The following MYCBP2 variants were observed in gnomAD, a reference collection of about 807,000 sequenced individuals.
MYCBP2 encodes the protein E3 ubiquitin-protein ligase MYCBP2.
A neutral mutation model predicts 525.3 loss-of-function variants in MYCBP2; 120 were observed. The observed-to-expected ratio is 0.23, with a 90% CI of 0.20 to 0.27. MYCBP2 has a LOEUF of 0.27. MYCBP2 is among the 10% of genes least tolerant of loss of function. The pLI, the probability that MYCBP2 is intolerant of heterozygous loss-of-function variation, is 1.00. For missense variants in MYCBP2, 4,149 were observed against 5,657.1 expected, an observed-to-expected ratio of 0.73 and a Z score of 8.55; for synonymous variants, 1,894 against 1,955.8, an observed-to-expected ratio of 0.97 and a Z score of 0.83.
At chr13:77,297,644 G>C (rs927297502) in intron 1 of MYCBP2, among the ~76,000 whole-genome samples, 1 of 151,982 alleles carries the variant, frequency 6.6e-6, no homozygotes, top group African/African-American at 2.4e-5. Context: ...TTAGAAGGAA[G>C]AGTTAGCCTG....
chr13:77,166,447 A>C lies in MYCBP2; in HGVS notation c.6222T>G (p.Val2074=). ...VLRLLIPVRT[V]QNSGYGPKLT... ...ATTTTGGTCCATATCCTGAATTCTGAACAGTTCTGACAGGAATCAACAAAC... is the reference window on the plus strand; with the variant it reads ...ATTTTGGTCCATATCCTGAATTCTGCACAGTTCTGACAGGAATCAACAAAC... Residue 2074 remains valine (V), a synonymous_variant, in exon 41 of 83, where the codon GTT becomes GTG. Transcript: ENST00000544440. The C allele has an allele frequency of 6.2e-7, 1 of 1,614,044 alleles. No homozygotes were observed. The highest frequency in any genetic ancestry group is 2.2e-5 in the East Asian group (1 of 44,882).
rs112282669 is a variant in MYCBP2, at chr13:77,310,499, G to C, written c.303-13825C>G. Among the ~76,000 whole-genome samples the C allele has an allele frequency of 6.6e-3, 1,007 of 152,114 alleles. 13 individuals are homozygous for C. Among genetic ancestry groups the C allele is most frequent in the African/African-American group, 0.023 (959 of 41,486 alleles). ...TTCAAACTAAAGAACAGAGCTGCAT[G>C]GTTGCAACAGAGACTCTATGGCCCA... is the stretch of plus-strand genomic sequence containing the variant. On this transcript the variant is annotated intron_variant, in intron 1 of 82. Coordinates refer to ENST00000544440, the MANE Select transcript of MYCBP2 (RefSeq NM_015057.5).
intron 40 of MYCBP2, among the ~76,000 whole-genome samples, chr13:77,167,914 C>G (rs1393382091): frequency 6.6e-6 from 1 of 152,152 alleles, no homozygotes; most frequent in Non-Finnish European, 1.5e-5. Context: ...GTTTATCCTT[C>G]TCTTCCTTAA....
chr13:77,285,573 G>A (rs2076637537), intron 3 of MYCBP2, among the ~76,000 whole-genome samples: 1 of 152,170 alleles, frequency 6.6e-6, no homozygotes, highest in Admixed American at 6.5e-5. Flanking sequence ...GATCACCTGA[G>A]GTCCAGAGTT....
chr13:77,103,012 C>T (rs768310071), intron 55 of MYCBP2, among the ~76,000 whole-genome samples: 15 of 151,678 alleles, frequency 9.9e-5, no homozygotes, highest in South Asian at 2.1e-4. Flanking sequence ...ACATGCATAG[C>T]TACTGGGATA....
At chr13:77,315,091 CATGA>C (rs2080772887) in intron 1 of MYCBP2, among the ~76,000 whole-genome samples, 2 of 152,112 alleles carry the variant, frequency 1.3e-5, no homozygotes, top group Non-Finnish European at 2.9e-5. Context: ...CCAAAATTGA[CATGA>C]ATAATAACAG....
chr13:77,158,800 G>A (rs531874074), intron 44 of MYCBP2, among the ~76,000 whole-genome samples: 2 of 152,106 alleles, frequency 1.3e-5, no homozygotes, highest in Non-Finnish European at 2.9e-5. Context: ...AGGTGTGTCT[G>A]TTCTCTTGGG....
At chr13:77,296,725 C>T (rs1053157897) in intron 1 of MYCBP2, 51 bp from the exon 2 acceptor site, 1 of 1,199,246 alleles carries the variant, frequency 8.3e-7, no homozygotes, top group Non-Finnish European at 1.1e-6. Context: ...CATATTAGGA[C>T]ATACAAAGCT....
rs576697672 is a variant in MYCBP2, at chr13:77,098,135, G to A, written c.9019C>T (p.Leu3007Phe). The change falls in exon 56 of 83, where the codon CTT (leucine) becomes TTT (phenylalanine). Residue 3007 changes from leucine to phenylalanine, a missense_variant. Physicochemically the swap from Leu to Phe is conservative, Grantham distance 22 (BLOSUM62 0). Coordinates refer to ENST00000544440, the MANE Select transcript of MYCBP2 (RefSeq NM_015057.5). ...TRPKKEKSSF[L>F]FKGDGSKPLE... Reference sequence around the variant, plus strand: ...GGCTTGGATCCATCTCCTTTGAAAAGAAAACTCGATTTTTCTTTTTTGGGC... The same window carrying A: ...GGCTTGGATCCATCTCCTTTGAAAAAAAAACTCGATTTTTCTTTTTTGGGC... The A allele has an allele frequency of 5.0e-6, 8 of 1,613,642 alleles. No individual in the cohort carries two copies. In the African/African-American group the frequency reaches 8.0e-5, roughly 16 times the overall value.
At chr13:77,250,744 T>C (rs950658288) in intron 15 of MYCBP2, among the ~76,000 whole-genome samples, 3 of 152,180 alleles carry the variant, frequency 2.0e-5, no homozygotes, top group South Asian at 2.1e-4. Flanking sequence ...AAAACAAAAC[T>C]ATATATCTAA....
chr13:77,178,408 T>C (rs1297081745), intron 34 of MYCBP2, among the ~76,000 whole-genome samples: 3 of 152,240 alleles, frequency 2.0e-5, no homozygotes, highest in African/African-American at 7.2e-5. Flanking sequence ...GACTATGTCC[T>C]CTCTCCTCTT....
At chr13:77,197,037 G>C (rs185549811) in intron 26 of MYCBP2, among the ~76,000 whole-genome samples, 230 of 152,288 alleles carry the variant, frequency 1.5e-3, no homozygotes, top group African/African-American at 5.2e-3. Flanking sequence ...GTAGTGTCGT[G>C]GGGGACAAGA....
intron 55 of MYCBP2, among the ~76,000 whole-genome samples, chr13:77,114,529 A>C (rs906780262): frequency 3.3e-5 from 5 of 152,114 alleles, no homozygotes; most frequent in African/African-American, 1.2e-4. Context: ...TCATATTCTC[A>C]AATGTAAATA....
intron 14 of MYCBP2, among the ~76,000 whole-genome samples, chr13:77,256,618 A>G (rs913738568): frequency 2.0e-5 from 3 of 152,136 alleles, no homozygotes; most frequent in African/African-American, 7.2e-5. Context: ...GCAAACAGGT[A>G]TATGAAAAGG....
In MYCBP2 at chr13:77,326,526, C is replaced by A. The variant is rs943342587; in HGVS notation, c.250G>T (p.Ala84Ser). The change falls in exon 1 of 83, where the codon GCG becomes TCG. Residue 84 changes from alanine (A) to serine (S), a missense_variant. Ala to Ser is a moderately conservative substitution (Grantham distance 99). Around this residue, in one of 21 missense-constraint regions of MYCBP2, gnomAD observed 413 missense variants for 451.2 expected, o/e 0.92. Transcript: ENST00000544440. This position sits in a 1 kb window ranked among gnomAD's most constrained non-coding sequence, Gnocchi z 4.2. ...ADRYRRIYTA[A>S]LNDRDQGGGS... ...CCCCCCTGGTCCCTGTCATTGAGCG[C>A]AGCGGTATAAATCCTCCGGTAGCGG... The A allele has an allele frequency of 1.3e-6, 2 of 1,599,848 alleles. No individual in the cohort carries two copies. Among genetic ancestry groups the A allele is most frequent in the East Asian group, 2.4e-5 (1 of 42,452 alleles).
chr13:77,176,835 G>A (rs1185677964), intron 35 of MYCBP2, among the ~76,000 whole-genome samples: 13 of 152,054 alleles, frequency 8.5e-5, no homozygotes, highest in Non-Finnish European at 1.9e-4. Context: ...ACATAAATAA[G>A]CTTTTCTCAT....
chr13:77,242,939 G>C, intron 17 of MYCBP2, 120 bp downstream of exon 17: 1 of 779,934 alleles, frequency 1.3e-6, no homozygotes, highest in South Asian at 1.7e-5. Flanking sequence ...TCAGAATATT[G>C]CTAATTTTAA....
intron 40 of MYCBP2, among the ~76,000 whole-genome samples, chr13:77,166,966 A>AATACACACAC (rs1457724056): frequency 8.1e-6 from 1 of 123,880 alleles, no homozygotes; most frequent in African/African-American, 3.2e-5. Flanking sequence ...TCAAAGACAA[A>AATACACACAC]ACACACACAT....
chr13:77,130,632 T>A (rs77831696), intron 52 of MYCBP2, among the ~76,000 whole-genome samples: 1 of 152,206 alleles, frequency 6.6e-6, no homozygotes, highest in African/African-American at 2.4e-5. Flanking sequence ...GAAAAACATA[T>A]TGCAGAGCAT....
Sources: gnomAD v4.1 joint callset for allele counts (sites outside exome capture counted in the v4.1 genomes callset) on GRCh38, gnomAD v4.1.1 for gene constraint, gnomAD v4.1.1 regional missense constraint, Gnocchi (gnomAD v3.1) non-coding constraint, MANE v1.5 for transcripts, NCBI Gene and HGNC (gene_info 2026-07-23, HGNC 2026-07-21) for gene names.